Variants in SOX6 observed in about 807,000 individuals in gnomAD.
SOX6 encodes the protein SRY-box transcription factor 6, also known as transcription factor SOX-6.
A neutral mutation model predicts 97.8 loss-of-function variants in SOX6; 11 were observed. The observed-to-expected ratio is 0.11, with a 90% CI of 0.07 to 0.19. The LOEUF is 0.19. Ranked by LOEUF, SOX6 falls within the 10% of genes least tolerant of loss-of-function variation. The probability of loss-of-function intolerance (pLI) is 1.00; values close to 1 mark genes in which losing one functional copy is unlikely to be tolerated. For missense variants in SOX6, 810 were observed against 1,039.5 expected (o/e 0.78, Z 3.04); for synonymous variants, 360 against 371.4 (o/e 0.97, Z 0.35).
At chr11:16,737,792 A>T (rs1168131191) in intron 1 of SOX6, among the ~76,000 whole-genome samples, 3 of 152,144 alleles carry the variant, frequency 2.0e-5, no homozygotes, top group Non-Finnish European at 2.9e-5. Flanking sequence ...AACTTCTTGG[A>T]ATCAGAGGTG....
chr11:16,456,178 T>A (rs1360584853), intron 1 of SOX6, among the ~76,000 whole-genome samples: 1 of 152,098 alleles, frequency 6.6e-6, no homozygotes, highest in African/African-American at 2.4e-5. Context: ...AATATATATA[T>A]TAAAATTCTC....
At chr11:16,648,045 T>C (rs866297986) in intron 3 of SOX6, among the ~76,000 whole-genome samples, 1 of 151,972 alleles carries the variant, frequency 6.6e-6, no homozygotes, top group South Asian at 2.1e-4. Context: ...GGAGTGGCTG[T>C]GGATATGAGT....
intron 9 of SOX6, among the ~76,000 whole-genome samples, chr11:16,082,688 A>C (rs1848497060): frequency 1.3e-5 from 2 of 152,192 alleles, no homozygotes; most frequent in African/African-American, 2.4e-5. Flanking sequence ...CAGTGCCTTA[A>C]CTATTAAATC....
chr11:16,141,556 C>T lies in SOX6; in HGVS notation c.778-29633G>A, dbSNP rs568061586. ...GCAGCTCACCGAGCGTGAGCCAAAGCATGGCAAGGCATCACCTCACCCGAA... is the reference window on the plus strand; with the variant it reads ...GCAGCTCACCGAGCGTGAGCCAAAGTATGGCAAGGCATCACCTCACCCGAA... On this transcript the variant is annotated intron_variant, in intron 6 of 15. Transcript: ENST00000683767. 4.6e-5 allele frequency among the ~76,000 whole-genome samples: 7 copies of T among 152,240 alleles called. No individual in the cohort carries two copies. In the East Asian group the frequency reaches 1.4e-3, roughly 30 times the overall value.
intron 2 of SOX6, among the ~76,000 whole-genome samples, chr11:16,729,618 C>A (rs1196826213): frequency 6.6e-6 from 1 of 152,068 alleles, no homozygotes; most frequent in Non-Finnish European, 1.5e-5. Context: ...CCAGCCACTG[C>A]AAAAACATAC....
intron 4 of SOX6, among the ~76,000 whole-genome samples, chr11:16,485,997 GGAAGGA>G (rs1860426452): frequency 1.3e-5 from 1 of 75,864 alleles, no homozygotes; most frequent in Non-Finnish European, 2.5e-5. Context: ...GGAGGGGAGG[GGAAGGA>G]AGGGAATATT....
At chr11:16,664,488 G>A (rs1293988706) in intron 3 of SOX6, among the ~76,000 whole-genome samples, 2 of 152,150 alleles carry the variant, frequency 1.3e-5, no homozygotes, top group African/African-American at 4.8e-5. Flanking sequence ...CCTGTGGAGG[G>A]AGCATTTAGA....
intron 2 of SOX6, among the ~76,000 whole-genome samples, chr11:16,725,060 A>G (rs1848296535): frequency 6.6e-6 from 1 of 152,238 alleles, no homozygotes; most frequent in Non-Finnish European, 1.5e-5. Flanking sequence ...TCTCTTCTAC[A>G]CAAATGTTCA....
rs1849549236 is a variant in SOX6 at position 16,123,843 on chromosome 11, G to T, written c.778-11920C>A. On this transcript the variant is annotated intron_variant, in intron 6 of 15. Transcript: ENST00000683767. ...ATAAATAACTTAGATACAAAAAAGA[G>T]ATGTCGCTGTTAAAGAAGGTAAGGT... Among the ~76,000 whole-genome samples, 3 of 152,074 alleles carry T rather than the reference G, an allele frequency of 2.0e-5. No individual in the cohort carries two copies. The South Asian group carries it at 6.2e-4, about 31-fold the overall frequency.
At chr11:16,211,064 GTGCCTCTT>G (rs1852212775) in intron 4 of SOX6, among the ~76,000 whole-genome samples, 1 of 152,084 alleles carries the variant, frequency 6.6e-6, no homozygotes, top group Non-Finnish European at 1.5e-5. Flanking sequence ...TCCTAATGTG[GTGCCTCTT>G]TGGGAAGAAT....
intron 4 of SOX6, among the ~76,000 whole-genome samples, chr11:16,530,750 A>G (rs1861226043): frequency 6.6e-6 from 1 of 151,908 alleles, no homozygotes; most frequent in Admixed American, 6.6e-5. Context: ...AAACATGCAG[A>G]CAGACTATCT....
intron 1 of SOX6, among the ~76,000 whole-genome samples, chr11:16,736,697 G>C (rs1003612577): frequency 5.3e-5 from 8 of 152,188 alleles, no homozygotes; most frequent in Admixed American, 5.2e-4. Context: ...GAGGTGAACT[G>C]TAGTCGAAAC....
At chr11:16,706,328 G>T in intron 3 of SOX6, among the ~76,000 whole-genome samples, 1 of 147,222 alleles carries the variant, frequency 6.8e-6, no homozygotes, top group Non-Finnish European at 1.5e-5. Flanking sequence ...CATTCCTGTG[G>T]TCCCAGCTAC....
intron 4 of SOX6, among the ~76,000 whole-genome samples, chr11:16,226,166 G>A (rs574003074): frequency 1.3e-5 from 2 of 152,092 alleles, no homozygotes; most frequent in South Asian, 4.1e-4. Context: ...TTTTCTGTCA[G>A]AAGAGACTGT....
In SOX6 at chr11:16,499,274, CA is replaced by C. The variant is rs370065324; in HGVS notation, n.610-22887del. 1.5e-3 allele frequency among the ~76,000 whole-genome samples: 229 copies of C among 152,126 alleles called. 6 individuals carry two copies. In the East Asian group the frequency reaches 0.037, roughly 24 times the overall value. On this transcript the variant is annotated intron_variant and non_coding_transcript_variant, in intron 4 of 5. Transcript: ENST00000524520. The stretch of plus-strand genomic sequence containing the variant: ...TTTGAAACCAACGAGAACAAAGACA[CA>C]ACATACCAGAATCTCTGGGACACAT...
intron 4 of SOX6, among the ~76,000 whole-genome samples, chr11:16,580,853 C>T (rs778934886): frequency 1.3e-5 from 2 of 152,092 alleles, no homozygotes; most frequent in African/African-American, 2.4e-5. Flanking sequence ...AAAAGCTCAA[C>T]GTCACTGATC....
intron 3 of SOX6, among the ~76,000 whole-genome samples, chr11:16,686,037 G>A (rs1442855388): frequency 6.6e-6 from 1 of 152,244 alleles, no homozygotes; most frequent in Non-Finnish European, 1.5e-5. Context: ...TGATGCGGAA[G>A]GTTGTGTCTC....
chr11:15,993,512 A>G (rs964476534), intron 13 of SOX6, among the ~76,000 whole-genome samples: 1 of 152,162 alleles, frequency 6.6e-6, no homozygotes, highest in South Asian at 2.1e-4. Context: ...CAGCTGACCT[A>G]AGAGTCTTTA....
intron 2 of SOX6, among the ~76,000 whole-genome samples, chr11:16,326,183 A>G (rs1029445577): frequency 6.6e-6 from 1 of 152,130 alleles, no homozygotes; most frequent in Admixed American, 6.6e-5. Flanking sequence ...TCCATGTGAG[A>G]GTTGTTCAAA....
Sources: allele counts gnomAD v4.1 joint callset (sites outside exome capture counted in the v4.1 genomes callset), GRCh38; gene constraint gnomAD v4.1.1; transcripts MANE v1.5; gene names NCBI Gene and HGNC (gene_info 2026-07-23, HGNC 2026-07-21).